Variants in AARSD1 observed in about 807,000 individuals in gnomAD.
AARSD1 encodes the protein alanyl-tRNA synthetase domain containing 1.
Under a neutral mutation model 48.7 loss-of-function variants are expected in AARSD1, and 44 were observed. That is an observed-to-expected ratio of 0.90 (90% CI 0.71 to 1.16). The LOEUF is 1.16. Ranked by LOEUF, AARSD1 falls within the 50% of genes most tolerant of loss-of-function variation. AARSD1 has a pLI of 0.00. For missense variants in AARSD1, 511 were observed against 523.1 expected (o/e 0.98, Z 0.23); for synonymous variants, 189 against 194.9 (o/e 0.97, Z 0.25).
At chr17:42,963,071 C>T (rs1448993049) in intron 2 of AARSD1, among the ~76,000 whole-genome samples, 2 of 151,682 alleles carry the variant, frequency 1.3e-5, no homozygotes, top group Non-Finnish European at 2.9e-5. Context: ...GCTGCCCACA[C>T]ACCTTAATAC....
intron 3 of AARSD1, among the ~76,000 whole-genome samples, chr17:42,959,343 G>A (rs1219801340): frequency 2.6e-5 from 4 of 151,594 alleles, no homozygotes; most frequent in Admixed American, 6.6e-5. Flanking sequence ...AGCCTCCTGA[G>A]TGGCTGGGAC....
rs138537947 is a variant in AARSD1, at chr17:42,955,757, G to A, written c.794+85C>T. 1.7e-5 allele frequency: 27 copies of A among 1,584,786 alleles called. No homozygotes were observed. In the Admixed American group the frequency reaches 1.9e-4, roughly 11 times the overall value. On this transcript the variant is annotated intron_variant, in intron 7 of 11. Coordinates refer to ENST00000427569, the MANE Select transcript of AARSD1 (RefSeq NM_001261434.2). ...CGCCTGGCCGCACTTTATCATTTAC[G>A]ATTGCATCTTATCTCCCAGAGGTAA...
intron 2 of AARSD1, among the ~76,000 whole-genome samples, chr17:42,961,910 G>A (rs1289010936): frequency 2.0e-5 from 3 of 152,014 alleles, no homozygotes; most frequent in Non-Finnish European, 2.9e-5. Flanking sequence ...GGCTGAGGTG[G>A]GAGAATCACT....
rs1286257633 is a variant in AARSD1, at chr17:42,956,255, A to G, written c.612T>C (p.Val204=). 6 of 1,614,042 alleles carry G rather than the reference A, an allele frequency of 3.7e-6. No homozygotes were observed. The African/African-American group carries it at 8.0e-5, about 22-fold the overall frequency. ...GGGTCCCACAGCACATGTTGGAATC[A>G]ACGCCCTCGATGTTAACAACCCGAA... ...GPIRVVNIEG[V]DSNMCCGTHV... is the part of the protein sequence containing the mutation. The change falls in exon 6 of 12, where the codon GTT becomes GTC. Residue 204 remains valine, a synonymous_variant. Transcript: ENST00000427569.
At chr17:42,962,298 C>CAA (rs59823866) in intron 2 of AARSD1, 12 of 107,172 alleles carry the variant, frequency 1.1e-4, no homozygotes, top group South Asian at 8.8e-4. Flanking sequence ...GACACCATCT[C>CAA]AAAAAAAAAA....
At position 42,951,913 on chromosome 17, in the gene AARSD1, A is replaced by C; in HGVS notation, c.1009-19T>G. ...GGGTCTCCTAGGAGGTAAGACAAGGAGATAAGCTCTGATACTGAAGGATGT... is the reference window on the plus strand; with the variant it reads ...GGGTCTCCTAGGAGGTAAGACAAGGCGATAAGCTCTGATACTGAAGGATGT... On this transcript the variant is annotated intron_variant, in intron 10 of 11. Transcript: ENST00000427569. The C allele has an allele frequency of 6.2e-7, 1 of 1,612,532 alleles. No individual in the cohort carries two copies. Among genetic ancestry groups the C allele is most frequent in the Non-Finnish European group, 8.5e-7 (1 of 1,178,900 alleles).
At position 42,951,595 on chromosome 17, in the gene AARSD1, T is replaced by C. The variant is rs557786636; in HGVS notation, c.1103+205A>G. ...TTTCATAAAAACAAAAACAAAAACA[T>C]ACATGTGAGATGTGGAGCCAAAAGA... On this transcript the variant is annotated intron_variant, in intron 11 of 11. Transcript: ENST00000427569. Among the ~76,000 whole-genome samples, 177 of 152,154 alleles carry C rather than the reference T, an allele frequency of 1.2e-3. 1 individual carries two copies. The highest frequency in any genetic ancestry group is 4.1e-3 in the South Asian group (20 of 4,824).
chr17:42,961,114 CA>C (rs35166621), intron 3 of AARSD1, 77 bp downstream of exon 3: 1,050,691 of 1,520,168 alleles, frequency 0.69, 369,610 homozygotes, highest in East Asian at 0.85. Context: ...CTAGAGAACC[CA>C]AACTACGTCT....
chr17:42,961,132 T>C lies in AARSD1; in HGVS notation c.331+60A>G, dbSNP rs73983776. On this transcript the variant is annotated intron_variant, in intron 3 of 11. Coordinates refer to ENST00000427569, the MANE Select transcript of AARSD1 (RefSeq NM_001261434.2). ...GAGAACCCAAACTACGTCTCAGTCA[T>C]CACAGCATCCCCATACATGGCAACT... 8.9e-5 allele frequency: 138 copies of C among 1,547,624 alleles called. No homozygotes were observed. The African/African-American group carries it at 1.8e-3, about 20-fold the overall frequency.
intron 2 of AARSD1, chr17:42,962,298 CAAAAA>C (rs59823866): frequency 6.2e-4 from 66 of 107,062 alleles, no homozygotes; most frequent in South Asian, 5.7e-3. Flanking sequence ...GACACCATCT[CAAAAA>C]AAAAAAAAAA....
intron 2 of AARSD1, among the ~76,000 whole-genome samples, chr17:42,961,867 T>C (rs982006042): frequency 4.0e-5 from 6 of 151,880 alleles, no homozygotes; most frequent in African/African-American, 1.5e-4. Context: ...AAATAAAAAA[T>C]TAGCTGGCCA....
At chr17:42,951,955 A>C in intron 10 of AARSD1, 61 bp from the exon 11 acceptor site, 9 of 1,525,516 alleles carry the variant, frequency 5.9e-6, no homozygotes, top group South Asian at 1.1e-5. Context: ...AACCCCCCAA[A>C]TCCTGCACTC....
rs751711228 is a variant in AARSD1, at chr17:42,957,140, T to A, written c.387A>T (p.Ser129=). Residue 129 remains serine, a splice_region_variant and synonymous_variant, in exon 4 of 12, where the codon TCA becomes TCT. Transcript: ENST00000427569. ...ADHLFKLKTT[S]WELGRFRSAI... ...TTAGTCTTATGCCTCCCACTCACCA[T>A]GATGTTGTCTTCAGCTTAAATAGAT... 3.1e-6 allele frequency: 5 copies of A among 1,613,068 alleles called. No homozygotes were observed. The South Asian group carries it at 5.5e-5, about 18-fold the overall frequency.
intron 3 of AARSD1, among the ~76,000 whole-genome samples, chr17:42,958,562 T>C (rs1225752103): frequency 6.6e-6 from 1 of 151,680 alleles, no homozygotes; most frequent in Non-Finnish European, 1.5e-5. Context: ...TTTTATTTAT[T>C]TTTGTATTTA....
At chr17:42,952,630 A>G (rs1476853928) in intron 10 of AARSD1, among the ~76,000 whole-genome samples, 1 of 152,000 alleles carries the variant, frequency 6.6e-6, no homozygotes, top group South Asian at 2.1e-4. Context: ...TAATCACGCC[A>G]CTGTACTCCA....
chr17:42,957,291 C>T, intron 3 of AARSD1, 96 bp from the exon 4 acceptor site: 1 of 1,528,884 alleles, frequency 6.5e-7, no homozygotes, highest in Non-Finnish European at 8.9e-7. Flanking sequence ...CACAGAAATT[C>T]TCCTTGTTGA....
Position 42,955,992 on chromosome 17 carries a change from A to AAC in AARSD1, c.664-22_664-21dup, listed in dbSNP as rs151078413. ...AATGACCTACATGAGGCAAGGGGGT[A>AAC]ACACACACACACACGTGTGCACATG... On this transcript the variant is annotated intron_variant, in intron 6 of 11. Coordinates refer to ENST00000427569, the MANE Select transcript of AARSD1 (RefSeq NM_001261434.2). The AAC allele has an allele frequency of 3.9e-5, 62 of 1,606,440 alleles. No individual in the cohort carries two copies. The highest frequency in any genetic ancestry group is 1.7e-4 in the Middle Eastern group (1 of 6,044).
At chr17:42,964,064 C>G (rs749390457) in intron 2 of AARSD1, 42 bp downstream of exon 2, 1 of 1,612,568 alleles carries the variant, frequency 6.2e-7, no homozygotes, top group Non-Finnish European at 8.5e-7. Context: ...GGCCTGAGCA[C>G]AAAGAAACTG....
intron 7 of AARSD1, 160 bp downstream of exon 7, chr17:42,955,682 C>T (rs981874146): frequency 4.1e-5 from 51 of 1,236,706 alleles, no homozygotes; most frequent in Non-Finnish European, 5.4e-5. Context: ...ACCTCGTGAT[C>T]CGCCCACCTC....
Sources: allele counts gnomAD v4.1 joint callset (sites outside exome capture counted in the v4.1 genomes callset), GRCh38; gene constraint gnomAD v4.1.1; transcripts MANE v1.5; gene names NCBI Gene and HGNC (gene_info 2026-07-23, HGNC 2026-07-21).